Variants in ANK3 observed in about 807,000 individuals in gnomAD.
The protein encoded by ANK3 is ankyrin-3.
A neutral mutation model predicts 370.9 loss-of-function variants in ANK3; 57 were observed. The ratio of observed to expected loss-of-function variants is 0.15; its 90% CI spans 0.12 to 0.19. The LOEUF is 0.19. Among genes scored for constraint, ANK3 ranks in the 10% least tolerant of loss-of-function variants. The probability of loss-of-function intolerance (pLI) is 1.00; values close to 1 mark genes in which losing one functional copy is unlikely to be tolerated. For missense variants in ANK3, 4,439 were observed against 5,302.1 expected (o/e 0.84, Z 5.06); for synonymous variants, 1,929 against 1,946.3 (o/e 0.99, Z 0.23).
chr10:60,498,789 C>T (rs1048729856), intron 2 of ANK3, among the ~76,000 whole-genome samples: 1 of 152,138 alleles, frequency 6.6e-6, no homozygotes, highest in Non-Finnish European at 1.5e-5. Flanking sequence ...ATGTAAACTG[C>T]CATTCAAATC....
At chr10:60,694,009 T>G (rs1248092512) in intron 1 of ANK3, among the ~76,000 whole-genome samples, 1 of 151,992 alleles carries the variant, frequency 6.6e-6, no homozygotes, top group Non-Finnish European at 1.5e-5. Flanking sequence ...GAAAAAAATT[T>G]AGAAGAATGT....
In ANK3 at chr10:60,082,715, G is replaced by A. The variant is rs1247939077; in HGVS notation, c.4223C>T (p.Pro1408Leu). The A allele has an allele frequency of 6.2e-7, 1 of 1,613,858 alleles. No homozygotes were observed. Among genetic ancestry groups the A allele is most frequent in the South Asian group, 1.1e-5 (1 of 91,012 alleles). ...TTTCAGAAAAGACAGACGACCACAG[G>A]GCTCTTGGCTGGTGTCTCTAATCTA... ...SIKIRDTSQEPCGRLSFLKEP... is the reference protein window; with the variant it reads ...SIKIRDTSQELCGRLSFLKEP... Residue 1408 changes from proline to leucine, a missense_variant, in exon 34 of 44, where the codon CCC (proline) becomes CTC (leucine). Physicochemically the swap from Pro to Leu is moderately conservative, Grantham distance 98. Around this residue, in one of 13 missense-constraint regions of ANK3, gnomAD observed 702 missense variants for 941.5 expected, o/e 0.75. Coordinates refer to ENST00000280772, the MANE Select transcript of ANK3 (RefSeq NM_020987.5).
intron 7 of ANK3, among the ~76,000 whole-genome samples, chr10:60,250,294 T>C (rs1300946748): frequency 1.3e-5 from 2 of 152,378 alleles, no homozygotes; most frequent in Admixed American, 6.5e-5. Flanking sequence ...TGGGAAAATG[T>C]GGCTGAGACA....
chr10:60,104,514 C>T (rs1164050645), intron 28 of ANK3, among the ~76,000 whole-genome samples: 2 of 151,940 alleles, frequency 1.3e-5, no homozygotes, highest in African/African-American at 4.8e-5. Flanking sequence ...ACTTCAGTTT[C>T]CTTATAAGTG....
chr10:60,499,825 A>G (rs1310591615), intron 2 of ANK3, among the ~76,000 whole-genome samples: 1 of 152,088 alleles, frequency 6.6e-6, no homozygotes, highest in Non-Finnish European at 1.5e-5. Context: ...ATAATTTACT[A>G]CTCTGTACCC....
At chr10:60,395,825 G>T (rs561419483) in intron 2 of ANK3, among the ~76,000 whole-genome samples, 1 of 152,064 alleles carries the variant, frequency 6.6e-6, no homozygotes, top group African/African-American at 2.4e-5. Flanking sequence ...TTCCATGGGC[G>T]AGAAAGACAA....
chr10:60,356,273 T>C (rs867682802), intron 1 of ANK3, among the ~76,000 whole-genome samples: 9 of 152,234 alleles, frequency 5.9e-5, no homozygotes, highest in South Asian at 2.1e-4. Context: ...TGAGTTCACA[T>C]ACATAGATTT....
intron 2 of ANK3, among the ~76,000 whole-genome samples, chr10:60,485,154 C>T (rs1432909760): frequency 6.6e-6 from 1 of 152,146 alleles, no homozygotes; most frequent in Non-Finnish European, 1.5e-5. Context: ...ACACTCGAGT[C>T]GGTTTCATCA....
intron 28 of ANK3, among the ~76,000 whole-genome samples, chr10:60,099,970 T>C (rs930411913): frequency 5.9e-5 from 9 of 152,132 alleles, no homozygotes; most frequent in African/African-American, 1.9e-4. Context: ...CAGGATGGCT[T>C]ATGTCATTAT....
intron 5 of ANK3, among the ~76,000 whole-genome samples, chr10:60,265,650 C>T (rs1482360834): frequency 6.6e-6 from 1 of 151,810 alleles, no homozygotes; most frequent in Non-Finnish European, 1.5e-5. Flanking sequence ...TTCTGTAGTC[C>T]CATGGTAAAG....
At chr10:60,105,181 AGAC>A (rs2091990502) in intron 28 of ANK3, among the ~76,000 whole-genome samples, 1 of 152,020 alleles carries the variant, frequency 6.6e-6, no homozygotes, top group African/African-American at 2.4e-5. Flanking sequence ...TCTCAGCATC[AGAC>A]GTTATGGTGA....
chr10:60,271,961 A>T (rs868866657), intron 4 of ANK3, among the ~76,000 whole-genome samples: 1 of 151,450 alleles, frequency 6.6e-6, no homozygotes, highest in African/African-American at 2.4e-5. Flanking sequence ...GCAACATCAC[A>T]TTCAATCTTC....
chr10:60,415,555 C>T (rs904904353), intron 2 of ANK3, among the ~76,000 whole-genome samples: 13 of 152,112 alleles, frequency 8.5e-5, no homozygotes, highest in African/African-American at 2.2e-4. Context: ...GATGTTCCCA[C>T]ACCCTGCTAC....
At position 60,412,087 on chromosome 10, in the gene ANK3, G is replaced by T. The variant is rs551513746; in HGVS notation, c.97-132448C>A. Among the ~76,000 whole-genome samples, 3 of 152,288 alleles carry T rather than the reference G, an allele frequency of 2.0e-5. No individual in the cohort carries two copies. In the South Asian group the frequency reaches 6.2e-4, roughly 32 times the overall value. On this transcript the variant is annotated intron_variant, in intron 2 of 43. Coordinates refer to the ANK3 transcript ENST00000373827. ...GTAAGGAGGGGATTCCTCAATGGCT[G>T]CTGGTTAGGAAGCAAGTGGGAAGAT...
chr10:60,605,125 C>G (rs908175450), intron 2 of ANK3, among the ~76,000 whole-genome samples: 1 of 152,136 alleles, frequency 6.6e-6, no homozygotes, highest in Non-Finnish European at 1.5e-5. Flanking sequence ...TCCATAGAGC[C>G]TCATTTTAAA....
chr10:60,619,226 C>T (rs2133327079), intron 1 of ANK3, among the ~76,000 whole-genome samples: 1 of 152,168 alleles, frequency 6.6e-6, no homozygotes, highest in Non-Finnish European at 1.5e-5. Context: ...GTCTATCTTG[C>T]TAAGACCTCA....
intron 2 of ANK3, among the ~76,000 whole-genome samples, chr10:60,585,489 G>T (rs919567828): frequency 1.4e-4 from 22 of 152,214 alleles, no homozygotes; most frequent in Non-Finnish European, 2.9e-4. Context: ...GAACAACTTT[G>T]AAGGAAAAAA....
intron 2 of ANK3, among the ~76,000 whole-genome samples, chr10:60,472,637 T>C (rs988528162): frequency 6.6e-6 from 1 of 152,172 alleles, no homozygotes; most frequent in African/African-American, 2.4e-5. Context: ...ATTCTTTTCC[T>C]CTTAAAATAA....
intron 1 of ANK3, among the ~76,000 whole-genome samples, chr10:60,699,288 A>G (rs541932711): frequency 6.6e-6 from 1 of 152,168 alleles, no homozygotes; most frequent in Non-Finnish European, 1.5e-5. Flanking sequence ...AAATAAATAG[A>G]TTAAAAAAAA....
Sources: allele counts gnomAD v4.1 joint callset (sites outside exome capture counted in the v4.1 genomes callset), GRCh38; gene constraint gnomAD v4.1.1; regional missense constraint gnomAD v4.1.1; transcripts MANE v1.5; gene names NCBI Gene and HGNC (gene_info 2026-07-23, HGNC 2026-07-21).